The following CSMD1 variants were observed in gnomAD, a reference collection of about 807,000 sequenced individuals.
CSMD1 encodes the protein CUB and sushi domain-containing protein 1.
Under a neutral mutation model 417.5 loss-of-function variants are expected in CSMD1, and 213 were observed. That is an observed-to-expected ratio of 0.51 (90% CI 0.46 to 0.57). CSMD1 has a LOEUF of 0.57. Ranked by LOEUF, CSMD1 falls within the 20% of genes least tolerant of loss-of-function variation. The pLI is 0.00. For missense variants in CSMD1, 6,923 were observed against 4,529.7 expected, an observed-to-expected ratio of 1.53 and a Z score of -15.17; for synonymous variants, 2,862 against 1,736.8, an observed-to-expected ratio of 1.65 and a Z score of -16.11.
At chr8:4,004,403 T>C (rs942707109) in intron 4 of CSMD1, among the ~76,000 whole-genome samples, 1 of 149,560 alleles carries the variant, frequency 6.7e-6, no homozygotes, top group Non-Finnish European at 1.5e-5. Flanking sequence ...TGTTTTAAAA[T>C]AAATTCTGCC....
intron 36 of CSMD1, 62 bp downstream of exon 36, chr8:3,187,807 G>A (rs1372077415): frequency 8.3e-7 from 1 of 1,211,600 alleles, no homozygotes; most frequent in Non-Finnish European, 1.2e-6. Context: ...TGTTATTTAT[G>A]TTGTTTTCTT....
chr8:4,138,350 G>C (rs1008329944), intron 3 of CSMD1, among the ~76,000 whole-genome samples: 2 of 151,792 alleles, frequency 1.3e-5, no homozygotes, highest in Non-Finnish European at 2.9e-5. Context: ...GGCAAAGCTG[G>C]GGCAAGGAGT....
At chr8:4,022,694 T>C (rs915661595) in intron 4 of CSMD1, among the ~76,000 whole-genome samples, 2 of 151,934 alleles carry the variant, frequency 1.3e-5, no homozygotes, top group Admixed American at 6.6e-5. Flanking sequence ...TGAAGGCAAG[T>C]GGGATATTGA....
At chr8:4,487,536 G>A (rs1404197651) in intron 2 of CSMD1, among the ~76,000 whole-genome samples, 1 of 152,144 alleles carries the variant, frequency 6.6e-6, no homozygotes, top group African/African-American at 2.4e-5. Context: ...TGGTGTACAT[G>A]TGCCACATTT....
At chr8:3,134,181 G>A (rs1332417721) in intron 41 of CSMD1, among the ~76,000 whole-genome samples, 3 of 151,330 alleles carry the variant, frequency 2.0e-5, no homozygotes, top group South Asian at 2.1e-4. Context: ...AAAAAAACAA[G>A]AAAAAAAAGA....
chr8:3,798,712 CTG>C (rs955524120), intron 5 of CSMD1, among the ~76,000 whole-genome samples: 65 of 152,004 alleles, frequency 4.3e-4, no homozygotes, highest in African/African-American at 1.3e-3. Flanking sequence ...ACAAACATAA[CTG>C]TATGTATACA....
chr8:4,053,193 T>C (rs1017686587), intron 3 of CSMD1, among the ~76,000 whole-genome samples: 2 of 152,176 alleles, frequency 1.3e-5, no homozygotes, highest in Admixed American at 6.5e-5. Flanking sequence ...AGCCTGAAAA[T>C]ATAACACGTT....
intron 5 of CSMD1, among the ~76,000 whole-genome samples, chr8:3,761,814 C>G (rs1322463261): frequency 1.3e-5 from 2 of 152,064 alleles, no homozygotes; most frequent in African/African-American, 2.4e-5. Flanking sequence ...CCAAAATTAC[C>G]ACTTTCTACA....
intron 10 of CSMD1, among the ~76,000 whole-genome samples, chr8:3,560,207 C>A (rs2116855377): frequency 6.6e-6 from 1 of 152,164 alleles, no homozygotes; most frequent in Admixed American, 6.5e-5. Context: ...CAAAGAAATT[C>A]AAGGTCCAAA....
At chr8:4,456,260 GAA>G (rs1261037171) in intron 2 of CSMD1, among the ~76,000 whole-genome samples, 5 of 151,964 alleles carry the variant, frequency 3.3e-5, no homozygotes, top group African/African-American at 4.8e-5. Flanking sequence ...GTATGTAACA[GAA>G]AAGATGTTAA....
chr8:4,129,398 G>A (rs1245694917), intron 3 of CSMD1, among the ~76,000 whole-genome samples: 1 of 152,024 alleles, frequency 6.6e-6, no homozygotes, highest in Non-Finnish European at 1.5e-5. Flanking sequence ...AACACACCAT[G>A]TTCTCCTTTC....
At chr8:3,984,277 C>T (rs1248277934) in intron 5 of CSMD1, among the ~76,000 whole-genome samples, 1 of 152,166 alleles carries the variant, frequency 6.6e-6, no homozygotes, top group Non-Finnish European at 1.5e-5. Flanking sequence ...ACATTGATGT[C>T]CCCAATAAAA....
At chr8:4,318,695 A>C (rs529782882) in intron 3 of CSMD1, among the ~76,000 whole-genome samples, 13 of 125,448 alleles carry the variant, frequency 1.0e-4, no homozygotes, top group African/African-American at 3.4e-4. Context: ...TCAAAGGCTT[A>C]ATATTATTTT....
intron 3 of CSMD1, among the ~76,000 whole-genome samples, chr8:4,169,565 T>G (rs965426064): frequency 1.3e-5 from 2 of 152,162 alleles, no homozygotes; most frequent in African/African-American, 4.8e-5. Context: ...TTTTCTCATA[T>G]TTTGCTCTTC....
At chr8:3,609,874 A>T (rs2469334) in intron 8 of CSMD1, among the ~76,000 whole-genome samples, 100,479 of 137,342 alleles carry the variant, frequency 0.73, 37,121 homozygotes, top group Middle Eastern at 0.85. Flanking sequence ...GCTGAAGTGA[A>T]GTGGTGCGAT....
chr8:4,894,434 T>C (rs185660458), intron 1 of CSMD1, among the ~76,000 whole-genome samples: 1 of 152,004 alleles, frequency 6.6e-6, no homozygotes, highest in Non-Finnish European at 1.5e-5. Context: ...TATTTTGCTT[T>C]AAGAGCTGCT....
chr8:3,190,330 T>C (rs1347870929), intron 33 of CSMD1, among the ~76,000 whole-genome samples: 1 of 151,544 alleles, frequency 6.6e-6, no homozygotes, highest in Non-Finnish European at 1.5e-5. Context: ...ACAATCGCTA[T>C]AGAGAATGAT....
intron 3 of CSMD1, among the ~76,000 whole-genome samples, chr8:4,340,553 C>G (rs796946089): frequency 6.6e-6 from 1 of 152,030 alleles, no homozygotes; most frequent in Non-Finnish European, 1.5e-5. Context: ...CAGGATTGTC[C>G]AAGGGCAATT....
chr8:4,988,154 C>G (rs1018990389), intron 1 of CSMD1, among the ~76,000 whole-genome samples: 1 of 152,174 alleles, frequency 6.6e-6, no homozygotes, highest in Admixed American at 6.5e-5. Context: ...TGTTTATGTT[C>G]TTGATCTCAT....
Sources: allele counts gnomAD v4.1 joint callset (sites outside exome capture counted in the v4.1 genomes callset), GRCh38; gene constraint gnomAD v4.1.1; transcripts MANE v1.5; gene names NCBI Gene and HGNC (gene_info 2026-07-23, HGNC 2026-07-21).